GRIA3: variants seen among roughly 807,000 people sequenced by gnomAD.
GRIA3 encodes glutamate ionotropic receptor AMPA type subunit 3.
In GRIA3, 3 loss-of-function variants were observed where a neutral mutation model predicts 63.0. That is an observed-to-expected ratio of 0.05 (90% CI 0.02 to 0.12). The LOEUF is 0.12. GRIA3 is among the 10% of genes least tolerant of loss of function. The probability of loss-of-function intolerance (pLI) is 1.00; values close to 1 mark genes in which losing one functional copy is unlikely to be tolerated. For missense variants in GRIA3, 347 were observed against 700.9 expected (o/e 0.50, Z 5.70); for synonymous variants, 274 against 257.9 (o/e 1.06, Z -0.60).
chrX:123,362,860 G>A (rs948958871), intron 5 of GRIA3, among the ~76,000 whole-genome samples: 23 of 112,691 alleles, frequency 2.0e-4, no homozygotes, highest in Non-Finnish European at 4.1e-4. Flanking sequence ...CCAAGTTTGA[G>A]ATGGCTCGCC....
intron 2 of GRIA3, among the ~76,000 whole-genome samples, chrX:123,243,098 A>C (rs1373608721): frequency 1.8e-5 from 2 of 111,056 alleles, no homozygotes; most frequent in African/African-American, 6.6e-5. Flanking sequence ...CTTAAAAAAA[A>C]ACTCCAAAAC....
At chrX:123,238,687 C>T (rs1262984310) in intron 2 of GRIA3, among the ~76,000 whole-genome samples, 1 of 111,437 alleles carries the variant, frequency 9.0e-6, no homozygotes, top group African/African-American at 3.3e-5. Context: ...TGGGTTGTAC[C>T]CTGCATAATT....
intron 2 of GRIA3, chrX:123,204,432 A>G (rs1244537118): frequency 1.7e-6 from 2 of 1,158,872 alleles, no homozygotes; most frequent in Non-Finnish European, 2.3e-6. Flanking sequence ...TGAGAACAAG[A>G]TCACAAGTCA....
At chrX:123,448,557 C>A (rs2045714615) in intron 12 of GRIA3, among the ~76,000 whole-genome samples, 1 of 111,760 alleles carries the variant, frequency 8.9e-6, no homozygotes. Flanking sequence ...AAGCTGTAGA[C>A]CTATACTGTC....
At position 123,205,161 on chromosome X, in the gene GRIA3, C is replaced by T. The variant is rs1258633811; in HGVS notation, c.268+19171C>T. Among the ~76,000 whole-genome samples, 3 of 111,532 alleles carry T rather than the reference C, an allele frequency of 2.7e-5. No individual in the cohort carries two copies. In the East Asian group the frequency reaches 8.5e-4, roughly 31 times the overall value. On this transcript the variant is annotated intron_variant, in intron 2 of 15. Transcript: ENST00000620443. ...ACTTTACAGTTTAAAGAAACAGGCTCGAAGGAGTTAAAGTGTTTTTCCCAG... is the reference window on the plus strand; with the variant it reads ...ACTTTACAGTTTAAAGAAACAGGCTTGAAGGAGTTAAAGTGTTTTTCCCAG...
In GRIA3 at chrX:123,270,544, C is replaced by T. The variant is rs776295019; in HGVS notation, c.508+17002C>T. On this transcript the variant is annotated intron_variant, in intron 3 of 15. Coordinates refer to ENST00000620443, the MANE Select transcript of GRIA3 (RefSeq NM_007325.5). ...CTCAGAATTCTGTGGTACAATGGAC[C>T]TATTTTCTGAATGCAAAAACAGGAC... Among the ~76,000 whole-genome samples the T allele has an allele frequency of 3.6e-5, 4 of 112,376 alleles. No individual in the cohort carries two copies. In the South Asian group the frequency reaches 1.1e-3, roughly 31 times the overall value.
At chrX:123,354,848 G>A (rs2045122556) in intron 4 of GRIA3, 62 bp from the exon 5 acceptor site, 6 of 829,196 alleles carry the variant, frequency 7.2e-6, no homozygotes, top group East Asian at 6.2e-5. Flanking sequence ...CCACCCCACT[G>A]ATTGTGCAAT....
chrX:123,447,798 T>A (rs1480565684), intron 12 of GRIA3, among the ~76,000 whole-genome samples: 1 of 112,313 alleles, frequency 8.9e-6, no homozygotes, highest in African/African-American at 3.2e-5. Context: ...GTTGGTTCCA[T>A]GCCCCCTTTG....
chrX:123,206,906 T>C (rs1261370062), intron 2 of GRIA3, among the ~76,000 whole-genome samples: 2 of 112,116 alleles, frequency 1.8e-5, no homozygotes, highest in African/African-American at 3.2e-5. Flanking sequence ...GAAATCTCTT[T>C]CAATCCATTT....
intron 2 of GRIA3, among the ~76,000 whole-genome samples, chrX:123,218,054 T>C (rs1256294937): frequency 8.9e-6 from 1 of 112,498 alleles, no homozygotes; most frequent in Non-Finnish European, 1.9e-5. Flanking sequence ...AAGCAACACA[T>C]AGTATGACAA....
Position 123,286,162 on chromosome X carries a change from A to G in GRIA3, c.508+32620A>G, listed in dbSNP as rs184225455. On this transcript the variant is annotated intron_variant, in intron 3 of 15. Coordinates refer to ENST00000620443, the MANE Select transcript of GRIA3 (RefSeq NM_007325.5). The stretch of plus-strand genomic sequence containing the variant: ...TGGAAACTGAACAACCTGCTCCTGA[A>G]TGACTACTGGGTAAATAACAAAATT... 6.1e-4 allele frequency among the ~76,000 whole-genome samples: 68 copies of G among 112,239 alleles called. No individual in the cohort carries two copies. In the East Asian group the frequency reaches 0.013, roughly 22 times the overall value.
intron 13 of GRIA3, 61 bp from the exon 14 acceptor site, chrX:123,480,002 G>A (rs2045905028): frequency 1.2e-6 from 1 of 816,743 alleles, no homozygotes; most frequent in African/African-American, 2.1e-5. Context: ...AAAGTAGTTT[G>A]AAGCTTGAAT....
intron 5 of GRIA3, among the ~76,000 whole-genome samples, chrX:123,374,825 C>T (rs2045273572): frequency 8.9e-6 from 1 of 112,009 alleles, no homozygotes; most frequent in Non-Finnish European, 1.9e-5. Context: ...TCCTCGTTTC[C>T]TAACTGAATA....
In GRIA3 at chrX:123,326,104, T is replaced by A. The variant is rs772898802; in HGVS notation, c.587T>A (p.Ile196Lys). The A allele has an allele frequency of 1.7e-6, 2 of 1,206,696 alleles. No homozygotes were observed. The highest frequency in any genetic ancestry group is 2.2e-6 in the Non-Finnish European group (2 of 891,327). ...GTAACAGCAAGGTCTGTGGGAAACA[T>A]AAAGGACGTCCAAGAATTCAGGCGC... ...WQVTARSVGNIKDVQEFRRII... is the reference protein window; with the variant it reads ...WQVTARSVGNKKDVQEFRRII... The change falls in exon 4 of 16, where the codon ATA becomes AAA. Residue 196 changes from isoleucine to lysine, a missense_variant. This residue lies in a region of GRIA3 where 113 missense variants were observed against 130.6 expected (regional missense o/e 0.87). Coordinates refer to ENST00000620443, the MANE Select transcript of GRIA3 (RefSeq NM_007325.5).
chrX:123,402,195 G>C (rs1230186028), intron 7 of GRIA3, among the ~76,000 whole-genome samples: 1 of 110,971 alleles, frequency 9.0e-6, no homozygotes. Context: ...TCTCTTGTCT[G>C]TTACCTGTCT....
At chrX:123,273,013 TC>T (rs1400535076) in intron 3 of GRIA3, among the ~76,000 whole-genome samples, 1 of 111,514 alleles carries the variant, frequency 9.0e-6, no homozygotes, top group Non-Finnish European at 1.9e-5. Flanking sequence ...AAGGGAGTCT[TC>T]CGTACCTCCT....
At position 123,345,439 on chromosome X, in the gene GRIA3, AACACACACACACACACACACAC is replaced by A. The variant is rs59142587; in HGVS notation, c.697-9436_697-9415del. 1.1e-4 allele frequency among the ~76,000 whole-genome samples: 7 copies of A among 65,871 alleles called. No homozygotes were observed. In the South Asian group the frequency reaches 3.3e-3, roughly 31 times the overall value. 57.2% of individuals were successfully genotyped at this position (65,871 alleles called of 115,157 possible). A position where few individuals can be genotyped will look rare whatever the true frequency, so the allele number is the denominator to read the frequency against. On this transcript the variant is annotated intron_variant, in intron 4 of 15. Coordinates refer to ENST00000620443, the MANE Select transcript of GRIA3 (RefSeq NM_007325.5). ...TCTCTGAGTGGGAGCCCCCCTTCACAACACACACACACACACACACACACACACACACACACACACACACACA... is the reference window on the plus strand; with the variant it reads ...TCTCTGAGTGGGAGCCCCCCTTCACAACACACACACACACACACACACACA...
chrX:123,332,055 T>C (rs1214939848), intron 4 of GRIA3, among the ~76,000 whole-genome samples: 4 of 111,712 alleles, frequency 3.6e-5, no homozygotes, highest in African/African-American at 9.7e-5. Context: ...AATGTCCTTG[T>C]GGCTTCCCCA....
At chrX:123,292,269 T>C (rs1027539430) in intron 3 of GRIA3, among the ~76,000 whole-genome samples, 4 of 111,748 alleles carry the variant, frequency 3.6e-5, no homozygotes, top group Non-Finnish European at 7.5e-5. Context: ...AATCTCTTTC[T>C]GCTTTTTAAT....
Sources: allele counts gnomAD v4.1 joint callset (sites outside exome capture counted in the v4.1 genomes callset), GRCh38; gene constraint gnomAD v4.1.1; regional missense constraint gnomAD v4.1.1; transcripts MANE v1.5; gene names NCBI Gene and HGNC (gene_info 2026-07-23, HGNC 2026-07-21).